Variants in ERAP1 observed in about 807,000 individuals in gnomAD.
The protein encoded by ERAP1 is endoplasmic reticulum aminopeptidase 1, also known as adipocyte-derived leucine aminopeptidase.
Under a neutral mutation model 103.7 loss-of-function variants are expected in ERAP1, and 86 were observed. That is an observed-to-expected ratio of 0.83 (90% CI 0.70 to 0.99). The LOEUF (loss-of-function observed/expected upper bound fraction) is 0.99, where lower values mean the gene tolerates loss of function less well. ERAP1 is among the 50% of genes least tolerant of loss of function. The pLI, the probability that ERAP1 is intolerant of heterozygous loss-of-function variation, is 0.00. For missense variants in ERAP1, 1,009 were observed against 1,128.4 expected (o/e 0.89, Z 1.52); for synonymous variants, 398 against 402.4 (o/e 0.99, Z 0.13).
chr5:96,914,146 T>TCACACACACACACACACACACA, the ERAP1 span, among the ~76,000 whole-genome samples: 1 of 104,722 alleles, frequency 9.5e-6, no homozygotes, highest in East Asian at 3.4e-4. Context: ...TCTCTCTCTC[T>TCACACACACACACACACACACA]CTCACACACA....
the ERAP1 span, chr5:96,879,822 T>C: frequency 3.7e-6 from 6 of 1,614,148 alleles, no homozygotes; most frequent in Non-Finnish European, 5.1e-6. Context: ...AGTTATCACT[T>C]CACTGAGGAT....
At chr5:96,854,152 T>C in the ERAP1 span, among the ~76,000 whole-genome samples, 1 of 152,170 alleles carries the variant, frequency 6.6e-6, no homozygotes, top group Admixed American at 6.6e-5. Flanking sequence ...CTAATTACTT[T>C]AGTTTCCTTA....
chr5:96,811,088 AT>A (rs889173109), upstream of ERAP1, among the ~76,000 whole-genome samples: 3 of 151,788 alleles, frequency 2.0e-5, no homozygotes, highest in Non-Finnish European at 4.4e-5. Flanking sequence ...TTAGAACTTA[AT>A]TTTTTTAAAT....
chr5:96,779,851 A>ATGTC (rs1399617966), intron 18 of ERAP1, among the ~76,000 whole-genome samples: 6 of 152,240 alleles, frequency 3.9e-5, no homozygotes, highest in Non-Finnish European at 8.8e-5. Flanking sequence ...ACTTCCAGGA[A>ATGTC]TGTCTGTGAT....
the ERAP1 span, among the ~76,000 whole-genome samples, chr5:96,862,152 AT>A: frequency 2.0e-4 from 30 of 151,956 alleles, no homozygotes; most frequent in African/African-American, 4.8e-4. Context: ...AGCTAGTTTT[AT>A]TTTTTTCTTT....
chr5:96,915,540 G>A, the ERAP1 span: 1 of 417,342 alleles, frequency 2.4e-6, no homozygotes, highest in Non-Finnish European at 4.2e-6. Flanking sequence ...TGTACTGGAT[G>A]AATGTTATTA....
the ERAP1 span, among the ~76,000 whole-genome samples, chr5:96,923,117 A>G: frequency 6.6e-6 from 1 of 152,080 alleles, no homozygotes; most frequent in East Asian, 1.9e-4. Flanking sequence ...GTGACTGAAG[A>G]TGTGCACCAC....
At chr5:96,832,026 C>T in the ERAP1 span, among the ~76,000 whole-genome samples, 101 of 152,264 alleles carry the variant, frequency 6.6e-4, no homozygotes, top group African/African-American at 2.3e-3. Flanking sequence ...ATTATGGAAG[C>T]TGCTTGTGAT....
chr5:96,851,933 A>C, the ERAP1 span, among the ~76,000 whole-genome samples: 1 of 152,190 alleles, frequency 6.6e-6, no homozygotes, highest in African/African-American at 2.4e-5. Context: ...ACAGCACAGA[A>C]TAGACATGGT....
intron 8 of ERAP1, among the ~76,000 whole-genome samples, chr5:96,791,264 C>T (rs1776702556): frequency 6.6e-6 from 1 of 152,192 alleles, no homozygotes; most frequent in Non-Finnish European, 1.5e-5. Flanking sequence ...CAAATGCCTC[C>T]AGTGGCACAT....
At chr5:96,902,334 C>T in the ERAP1 span, 3 of 1,610,786 alleles carry the variant, frequency 1.9e-6, no homozygotes, top group Middle Eastern at 1.7e-4. Context: ...TCCACAGACA[C>T]ATTCTAAAAT....
At position 96,774,945 on chromosome 5, in the gene ERAP1, T is replaced by TGAA. The variant is rs1013067999; in HGVS notation, c.*1448_*1450dup. 4 of 983,994 alleles carry TGAA rather than the reference T, an allele frequency of 4.1e-6. No homozygotes were observed. The highest frequency in any genetic ancestry group is 6.2e-5 in the Admixed American group (1 of 16,076). The allele number at this position is 983,994 out of a possible 1,614,324, so 61.0% of individuals were successfully genotyped here. A position where few individuals can be genotyped will look rare whatever the true frequency, so the allele number is the denominator to read the frequency against. On this transcript the variant is annotated 3_prime_UTR_variant, in exon 19 of 19. Transcript: ENST00000443439. ...AATCATCAATCATATTCCCTTATCT[T>TGAA]GAAGTTTTTGCCTTATATTCAAAAA...
intron 8 of ERAP1, among the ~76,000 whole-genome samples, chr5:96,791,498 C>T (rs1034346625): frequency 1.3e-5 from 2 of 152,126 alleles, no homozygotes; most frequent in African/African-American, 4.8e-5. Context: ...AAAAGCAGAG[C>T]CTTGATCTTA....
chr5:96,793,571 G>A (rs1241020280), intron 6 of ERAP1, 58 bp from the exon 7 acceptor site: 1 of 1,316,842 alleles, frequency 7.6e-7, no homozygotes, highest in East Asian at 2.3e-5. Context: ...TATTTTAGAT[G>A]TCCAATATAA....
the ERAP1 span, chr5:96,880,372 T>A: frequency 2.1e-6 from 2 of 953,570 alleles, no homozygotes; most frequent in Non-Finnish European, 3.1e-6. Flanking sequence ...CAGTGAACTA[T>A]GGGGAACCCA....
chr5:96,871,243 A>G, the ERAP1 span, among the ~76,000 whole-genome samples: 1 of 152,336 alleles, frequency 6.6e-6, no homozygotes, highest in South Asian at 2.1e-4. Context: ...CTCAAGGCAG[A>G]AAGCTGGGAA....
chr5:96,867,038 A>C, the ERAP1 span, among the ~76,000 whole-genome samples: 877 of 139,454 alleles, frequency 6.3e-3, 5 homozygotes, highest in Non-Finnish European at 9.9e-3. Context: ...TCAGAGTCTC[A>C]CTCTGTTGCC....
At chr5:96,799,877 G>C (rs528067981) in intron 3 of ERAP1, among the ~76,000 whole-genome samples, 1 of 152,344 alleles carries the variant, frequency 6.6e-6, no homozygotes, top group South Asian at 2.1e-4. Flanking sequence ...CTCTGGCGTG[G>C]GGTGGGAGAT....
the ERAP1 span, among the ~76,000 whole-genome samples, chr5:96,873,047 G>A: frequency 2.0e-5 from 3 of 152,064 alleles, no homozygotes; most frequent in Non-Finnish European, 2.9e-5. Context: ...AAATTAGCCA[G>A]GCATGGTGGT....
Sources: allele counts gnomAD v4.1 joint callset (sites outside exome capture counted in the v4.1 genomes callset), GRCh38; gene constraint gnomAD v4.1.1; transcripts MANE v1.5; gene names NCBI Gene and HGNC (gene_info 2026-07-23, HGNC 2026-07-21).